PINLYP: variants seen among roughly 807,000 people sequenced by gnomAD.
The protein encoded by PINLYP is phospholipase A2 inhibitor and Ly6/PLAUR domain-containing protein.
PINLYP carries 12 observed loss-of-function variants against 15.8 expected under a neutral mutation model. The observed-to-expected ratio is 0.76, with a 90% CI of 0.49 to 1.23. The LOEUF is 1.23. Among genes scored for constraint, PINLYP ranks in the 50% most tolerant of loss-of-function variants. The pLI is 0.00. For synonymous variants in PINLYP, 93 were observed against 97.7 expected, an observed-to-expected ratio of 0.95 and a Z score of 0.28; for missense variants, 278 against 264.2, an observed-to-expected ratio of 1.05 and a Z score of -0.36.
chr19:43,580,370 A>T, intron 3 of PINLYP: 1 of 244,106 alleles, frequency 4.1e-6, no homozygotes, highest in Non-Finnish European at 6.6e-6. Context: ...CCCACCTTAA[A>T]CAAGACCTGA....
In PINLYP at chr19:43,576,949, T is replaced by C. The variant is rs565796562; in HGVS notation, c.-78+30T>C. 5.3e-4 allele frequency: 295 copies of C among 561,518 alleles called. 5 individuals are homozygous for C. In the South Asian group the frequency reaches 7.5e-3, roughly 14 times the overall value. The allele number at this position is 561,518 out of a possible 1,614,324, so 34.8% of individuals were successfully genotyped here. On this transcript the variant is annotated intron_variant, in intron 1 of 5. Transcript: ENST00000599207. ...GAAAACAGGGTGGTGACTTTCTGGGTTCTAATAGAAGAGGGGGATGGAAGC... is the reference window on the plus strand; with the variant it reads ...GAAAACAGGGTGGTGACTTTCTGGGCTCTAATAGAAGAGGGGGATGGAAGC...
At chr19:43,579,641 G>A (rs304730) in intron 3 of PINLYP, among the ~76,000 whole-genome samples, 24,235 of 144,124 alleles carry the variant, frequency 0.17, 2,050 homozygotes, top group Non-Finnish European at 0.19. Context: ...GTTCACGCCT[G>A]TAATCCCAGC....
chr19:43,579,001 GAC>G, intron 3 of PINLYP: 1 of 334,526 alleles, frequency 3.0e-6, no homozygotes. Context: ...GGTAAGGAAA[GAC>G]ACTGTGGGGG....
At chr19:43,575,575 C>G (rs1319751603), upstream of PINLYP, 12 of 1,153,586 alleles carry the variant, frequency 1.0e-5, no homozygotes, top group Non-Finnish European at 1.4e-5. Context: ...CGCAAGCGCG[C>G]GAGGCTCGGG....
upstream of PINLYP, chr19:43,575,749 GT>G (rs1194316960): frequency 2.9e-6 from 1 of 343,504 alleles, no homozygotes; most frequent in East Asian, 4.5e-5. Flanking sequence ...TCCCAATGAC[GT>G]CCGAACCCTG....
chr19:43,580,688 G>A (rs1972919772), intron 3 of PINLYP: 1 of 986,346 alleles, frequency 1.0e-6, no homozygotes, highest in Non-Finnish European at 1.2e-6. Flanking sequence ...TGGGGAGCTG[G>A]AAGAGACCAC....
intron 3 of PINLYP, chr19:43,579,056 T>G (rs1600066611): frequency 4.6e-5 from 12 of 261,490 alleles, no homozygotes; most frequent in East Asian, 2.2e-4. Context: ...TGGCAGGAGG[T>G]GGAAATGGTG....
chr19:43,578,478 C>T, intron 2 of PINLYP, 112 bp from the exon 3 acceptor site: 2 of 674,118 alleles, frequency 3.0e-6, no homozygotes, highest in Non-Finnish European at 4.9e-6. Flanking sequence ...CCATGAAAAA[C>T]CAGGGAGCTG....
chr19:43,577,973 T>C (rs1408262575), intron 2 of PINLYP, among the ~76,000 whole-genome samples: 1 of 152,136 alleles, frequency 6.6e-6, no homozygotes, highest in East Asian at 1.9e-4. Flanking sequence ...TCCTTTCTCC[T>C]TAGACTAAGA....
chr19:43,578,063 G>A (rs539257425), intron 2 of PINLYP, among the ~76,000 whole-genome samples: 1 of 152,056 alleles, frequency 6.6e-6, no homozygotes, highest in African/African-American at 2.4e-5. Flanking sequence ...AGGTTTCTGG[G>A]CCCCTAGCTG....
chr19:43,581,213 G>A, exon 4 of PINLYP: 2 of 1,536,824 alleles, frequency 1.3e-6, no homozygotes, highest in Non-Finnish European at 1.7e-6. Flanking sequence ...ATCCCACAGA[G>A]GGCAAGGAGT....
upstream of PINLYP, chr19:43,575,583 G>C (rs548777286): frequency 1.4e-5 from 15 of 1,066,246 alleles, no homozygotes; most frequent in Admixed American, 3.1e-5. Context: ...CGCGAGGCTC[G>C]GGCCTTTCAA....
At chr19:43,579,873 GC>G (rs1972909470) in intron 3 of PINLYP, among the ~76,000 whole-genome samples, 1 of 152,020 alleles carries the variant, frequency 6.6e-6, no homozygotes, top group Non-Finnish European at 1.5e-5. Flanking sequence ...CTGCACTCCA[GC>G]CTGGGCAACA....
exon 1 of PINLYP, among the ~76,000 whole-genome samples, chr19:43,576,392 A>G (rs1972864182): frequency 1.3e-5 from 2 of 151,980 alleles, no homozygotes; most frequent in African/African-American, 4.8e-5. Context: ...AAAAATTAGC[A>G]GATCTCTTTC....
At chr19:43,575,615 C>A (rs914309987), upstream of PINLYP, 8 of 616,314 alleles carry the variant, frequency 1.3e-5, no homozygotes, top group Non-Finnish European at 1.9e-5. Flanking sequence ...CCGGCGCCGG[C>A]GTCGACACTG....
intron 3 of PINLYP, among the ~76,000 whole-genome samples, chr19:43,579,760 C>T (rs949287654): frequency 1.0e-4 from 15 of 149,708 alleles, no homozygotes; most frequent in African/African-American, 2.7e-4. Context: ...AAAATAGTTG[C>T]GCATGGTGGC....
chr19:43,577,389 T>C, intron 2 of PINLYP, 128 bp downstream of exon 2: 1 of 1,032,154 alleles, frequency 9.7e-7, no homozygotes, highest in Non-Finnish European at 1.3e-6. Flanking sequence ...GGAGGCATTC[T>C]GGAAATTCAG....
At chr19:43,580,869 A>G (rs1200070846) in intron 3 of PINLYP, among the ~76,000 whole-genome samples, 1 of 152,138 alleles carries the variant, frequency 6.6e-6, no homozygotes, top group Non-Finnish European at 1.5e-5. Context: ...TGGGAGGCCG[A>G]GGCGGGCGGA....
At chr19:43,577,351 G>C in intron 2 of PINLYP, 90 bp downstream of exon 2, 99 of 1,267,570 alleles carry the variant, frequency 7.8e-5, no homozygotes, top group Non-Finnish European at 9.3e-5. Context: ...GAGAGAAAGA[G>C]CCTTCAGCAA....
Sources: gnomAD v4.1 joint callset for allele counts (sites outside exome capture counted in the v4.1 genomes callset) on GRCh38, gnomAD v4.1.1 for gene constraint, MANE v1.5 for transcripts, NCBI Gene and HGNC (gene_info 2026-07-23, HGNC 2026-07-21) for gene names.